Variants in TP63 observed in about 807,000 individuals in gnomAD.
The protein encoded by TP63 is tumor protein 63.
Under a neutral mutation model 82.8 loss-of-function variants are expected in TP63, and 17 were observed. That is an observed-to-expected ratio of 0.21 (90% CI 0.14 to 0.31). The LOEUF (loss-of-function observed/expected upper bound fraction) is 0.31. Among genes scored for constraint, TP63 ranks in the 10% least tolerant of loss-of-function variants. The pLI is 1.00. For missense variants in TP63, 648 were observed against 895.3 expected (o/e 0.72, Z 3.52); for synonymous variants, 330 against 321.7 (o/e 1.03, Z -0.28).
intron 1 of TP63, among the ~76,000 whole-genome samples, chr3:189,647,701 C>A (rs186150538): frequency 1.4e-5 from 2 of 145,940 alleles, no homozygotes; most frequent in Non-Finnish European, 3.0e-5. Context: ...GTAGGAAGAC[C>A]GAAGCCAAAT....
chr3:189,704,483 C>T (rs970564520), intron 1 of TP63, among the ~76,000 whole-genome samples: 3 of 152,212 alleles, frequency 2.0e-5, no homozygotes, highest in African/African-American at 7.2e-5. Context: ...TACCTTCATA[C>T]CAGGCTTAGA....
chr3:189,760,511 G>A (rs1366133635), intron 3 of TP63, among the ~76,000 whole-genome samples: 8 of 152,170 alleles, frequency 5.3e-5, no homozygotes, highest in South Asian at 2.1e-4. Flanking sequence ...TCCAGATCAC[G>A]CTGATGCAAA....
At chr3:189,620,545 C>T in the TP63 span, among the ~76,000 whole-genome samples, 1 of 150,086 alleles carries the variant, frequency 6.7e-6, no homozygotes, top group Non-Finnish European at 1.5e-5. Context: ...CTCTGACAGC[C>T]ATGAGGTAGA....
chr3:189,650,154 T>C (rs1712770686), intron 1 of TP63, among the ~76,000 whole-genome samples: 1 of 146,382 alleles, frequency 6.8e-6, no homozygotes, highest in African/African-American at 2.6e-5. Context: ...CATCTGGTTT[T>C]CACAGCATGG....
the TP63 span, among the ~76,000 whole-genome samples, chr3:189,625,644 T>C: frequency 1.3e-5 from 2 of 152,170 alleles, no homozygotes; most frequent in East Asian, 1.9e-4. Context: ...AAATACACAC[T>C]GAGACATTTA....
intron 10 of TP63, among the ~76,000 whole-genome samples, chr3:189,882,032 T>G (rs1719970449): frequency 6.7e-6 from 1 of 149,118 alleles, no homozygotes. Flanking sequence ...AAAAAAAAAT[T>G]AGTATTTTAG....
At chr3:189,864,449 A>C in intron 5 of TP63, 31 bp downstream of exon 5, 1 of 1,597,822 alleles carries the variant, frequency 6.3e-7, no homozygotes, top group Non-Finnish European at 8.5e-7. Context: ...TAACTGTTCA[A>C]CCTCCTTGAA....
chr3:189,631,631 T>C, intron 1 of TP63, 54 bp downstream of exon 1: 1 of 1,611,210 alleles, frequency 6.2e-7, no homozygotes, highest in Non-Finnish European at 8.5e-7. Context: ...GTGCCTTGTG[T>C]ATTATGAATG....
In TP63 at chr3:189,738,848, C is replaced by A; in HGVS notation, c.324+74C>A. 4 of 1,582,440 alleles carry A rather than the reference C, an allele frequency of 2.5e-6. No homozygotes were observed. The South Asian group carries it at 3.4e-5, about 14-fold the overall frequency. On this transcript the variant is annotated intron_variant, in intron 3 of 13. Coordinates refer to ENST00000264731, the MANE Select transcript of TP63 (RefSeq NM_003722.5). ...GCTCTGTTAAACCTGTCTTTTCAGT[C>A]ATGTGTGAAAAGGCAGGTGGCTCTG...
At chr3:189,787,398 G>T (rs1724695998) in intron 3 of TP63, among the ~76,000 whole-genome samples, 1 of 152,060 alleles carries the variant, frequency 6.6e-6, no homozygotes, top group Non-Finnish European at 1.5e-5. Flanking sequence ...TAAGTAACTT[G>T]CCCCAAGGGC....
the TP63 span, among the ~76,000 whole-genome samples, chr3:189,604,353 A>G: frequency 2.0e-5 from 3 of 152,342 alleles, no homozygotes; most frequent in East Asian, 1.9e-4. Context: ...GCTCTCATTC[A>G]TTAAATGGGT....
At chr3:189,740,720 G>A (rs769369562) in intron 3 of TP63, among the ~76,000 whole-genome samples, 4 of 151,886 alleles carry the variant, frequency 2.6e-5, no homozygotes, top group African/African-American at 9.7e-5. Flanking sequence ...GGCTGGTCTC[G>A]AACTCCTGAC....
rs1728372771 is a variant in TP63 at position 189,817,930 on chromosome 3, T to G, written c.579+9404T>G. Reference sequence around the variant, plus strand: ...AAAAATTTACTCCATTTAAAAAATGTAAATACTTATTTAAATGTAAATAAA... The same window carrying G: ...AAAAATTTACTCCATTTAAAAAATGGAAATACTTATTTAAATGTAAATAAA... On this transcript the variant is annotated intron_variant, in intron 4 of 13. Coordinates refer to ENST00000264731, the MANE Select transcript of TP63 (RefSeq NM_003722.5). 3.9e-5 allele frequency among the ~76,000 whole-genome samples: 6 copies of G among 152,004 alleles called. No homozygotes were observed. The South Asian group carries it at 1.2e-3, about 31-fold the overall frequency.
chr3:189,692,422 C>T (rs948034864), intron 1 of TP63, among the ~76,000 whole-genome samples: 24 of 151,374 alleles, frequency 1.6e-4, no homozygotes, highest in Non-Finnish European at 3.5e-4. Context: ...TTCCTCTCTT[C>T]TCCTTTTCAT....
intron 1 of TP63, among the ~76,000 whole-genome samples, chr3:189,684,632 CTTT>C (rs11379017): frequency 2.2e-5 from 3 of 134,676 alleles, no homozygotes; most frequent in Non-Finnish European, 3.2e-5. Context: ...TTCTTTCTTT[CTTT>C]TTTTTTTTTT....
chr3:189,768,980 C>G (rs1723144886), intron 3 of TP63, among the ~76,000 whole-genome samples: 1 of 152,280 alleles, frequency 6.6e-6, no homozygotes, highest in Non-Finnish European at 1.5e-5. Context: ...CTTTGAAGCT[C>G]ACGTCTAAAA....
At chr3:189,691,465 G>A (rs549630923) in intron 1 of TP63, among the ~76,000 whole-genome samples, 1 of 152,172 alleles carries the variant, frequency 6.6e-6, no homozygotes, top group African/African-American at 2.4e-5. Context: ...TTTGTTGTGG[G>A]AAGTTGTCAT....
In TP63 at chr3:189,757,554, T is replaced by C. The variant is rs138772624; in HGVS notation, c.324+18780T>C. Among the ~76,000 whole-genome samples the C allele has an allele frequency of 2.4e-3, 371 of 152,336 alleles. 3 individuals are homozygous for C. The highest frequency in any genetic ancestry group is 4.2e-3 in the Non-Finnish European group (288 of 68,032). On this transcript the variant is annotated intron_variant, in intron 3 of 13. Coordinates refer to ENST00000264731, the MANE Select transcript of TP63 (RefSeq NM_003722.5). ...GTTGCTGTTAGTCTTTAGACTGTGT[T>C]AAATTTGGAAACAGTGAATTATTAA...
chr3:189,613,145 G>C, the TP63 span, among the ~76,000 whole-genome samples: 2 of 152,200 alleles, frequency 1.3e-5, no homozygotes, highest in African/African-American at 2.4e-5. Flanking sequence ...AATGTCTCCA[G>C]GCCATGTCAG....
Sources: gnomAD v4.1 joint callset for allele counts (sites outside exome capture counted in the v4.1 genomes callset) on GRCh38, gnomAD v4.1.1 for gene constraint, MANE v1.5 for transcripts, NCBI Gene and HGNC (gene_info 2026-07-23, HGNC 2026-07-21) for gene names.